The following DLGAP5 variants were observed in gnomAD, a reference collection of about 807,000 sequenced individuals.
DLGAP5 encodes the protein DLG associated protein 5.
In DLGAP5, 90 loss-of-function variants were observed where a neutral mutation model predicts 99.6. The observed-to-expected ratio is 0.90, with a 90% CI of 0.76 to 1.08. The LOEUF (loss-of-function observed/expected upper bound fraction) is 1.08. Among genes scored for constraint, DLGAP5 ranks in the 50% least tolerant of loss-of-function variants. The probability of loss-of-function intolerance (pLI) is 0.00; values close to 1 mark genes in which losing one functional copy is unlikely to be tolerated. For missense variants in DLGAP5, 1,036 were observed against 983.5 expected, an observed-to-expected ratio of 1.05 and a Z score of -0.71; for synonymous variants, 311 against 321.3, an observed-to-expected ratio of 0.97 and a Z score of 0.34.
intron 12 of DLGAP5, among the ~76,000 whole-genome samples, chr14:55,166,947 TGAG>T (rs1882665081): frequency 1.3e-5 from 2 of 148,734 alleles, no homozygotes; most frequent in Non-Finnish European, 1.5e-5. Context: ...AGCTGGGAAA[TGAG>T]CATCAGTCAA....
chr14:55,150,244 ATAT>A (rs1881970378), intron 18 of DLGAP5: 1 of 152,290 alleles, frequency 6.6e-6, no homozygotes, highest in South Asian at 2.1e-4. Flanking sequence ...GAATGCGTTC[ATAT>A]TATACCCTGA....
chr14:55,158,708 T>C lies in DLGAP5; in HGVS notation c.1687A>G (p.Lys563Glu). Reference sequence around the variant, plus strand: ...GCAATTCTTCCAGCATCATCCTGTTTTGGTTTACTTGCTATACCTGAGACA... The same window carrying C: ...GCAATTCTTCCAGCATCATCCTGTTCTGGTTTACTTGCTATACCTGAGACA... ...KVVSGIASKP[K>E]QDDAGRIAAR... The change falls in exon 14 of 19, where the codon AAA becomes GAA. Residue 563 changes from lysine to glutamate, a missense_variant. Physicochemically the swap from Lys to Glu is moderately conservative, Grantham distance 56. Coordinates refer to ENST00000247191, the MANE Select transcript of DLGAP5 (RefSeq NM_014750.5). 1 of 1,614,118 alleles carries C rather than the reference T, an allele frequency of 6.2e-7. No individual in the cohort carries two copies.
chr14:55,173,412 T>A (rs1031990428), intron 10 of DLGAP5, among the ~76,000 whole-genome samples: 1 of 151,358 alleles, frequency 6.6e-6, no homozygotes. Flanking sequence ...GGCAACAGAG[T>A]GCAACCATTT....
intron 12 of DLGAP5, among the ~76,000 whole-genome samples, chr14:55,168,903 G>A (rs530743614): frequency 6.6e-6 from 1 of 152,186 alleles, no homozygotes; most frequent in South Asian, 2.1e-4. Flanking sequence ...CTGGCCGGGC[G>A]CGGTGGCTCA....
rs748593016 is a variant in DLGAP5 at position 55,183,660 on chromosome 14, T to C, written c.332A>G (p.Glu111Gly). ...KQLQKLKEQR[E>G]KAKRGIFKVG... ...TTTAAATATTCCTCGTTTAGCTTTC[T>C]CTCTCTGCTCTTTCAATTTTTGAAG... is the stretch of plus-strand genomic sequence containing the variant. The change falls in exon 3 of 19, where the codon GAG becomes GGG. Residue 111 changes from glutamate to glycine, a missense_variant. Physicochemically the swap from Glu to Gly is moderately conservative, Grantham distance 98. Coordinates refer to ENST00000247191, the MANE Select transcript of DLGAP5 (RefSeq NM_014750.5). 2.5e-6 allele frequency: 4 copies of C among 1,612,370 alleles called. No homozygotes were observed. In the Admixed American group the frequency reaches 5.0e-5, roughly 20 times the overall value.
intron 4 of DLGAP5, among the ~76,000 whole-genome samples, chr14:55,181,862 G>A (rs912866496): frequency 6.6e-6 from 1 of 152,018 alleles, no homozygotes; most frequent in Non-Finnish European, 1.5e-5. Context: ...GTTCCACAAA[G>A]AGAATTTAGT....
chr14:55,165,959 G>A (rs759366120), intron 12 of DLGAP5, among the ~76,000 whole-genome samples: 2 of 152,216 alleles, frequency 1.3e-5, no homozygotes, highest in Non-Finnish European at 2.9e-5. Context: ...TGGTGGGACT[G>A]TAAAATGGTA....
Position 55,183,548 on chromosome 14 carries a change from C to G in DLGAP5, c.432+12G>C. 6 of 1,534,838 alleles carry G rather than the reference C, an allele frequency of 3.9e-6. No homozygotes were observed. Among genetic ancestry groups the G allele is most frequent in the Non-Finnish European group, 5.2e-6 (6 of 1,147,558 alleles). On this transcript the variant is annotated intron_variant, in intron 3 of 18. Transcript: ENST00000247191. ...AAGAAACTATTCCTTTATATTAAGA[C>G]ACTAAATTTACCTTTTTTGGCTCAG...
chr14:55,184,356 A>G (rs78040821), intron 2 of DLGAP5, among the ~76,000 whole-genome samples: 8,796 of 152,256 alleles, frequency 0.058, 323 homozygotes, highest in South Asian at 0.09. Context: ...AGTTATTTCA[A>G]CCCCTAGTCT....
rs1338162713 is a variant in DLGAP5, at chr14:55,180,710, G to T, written c.649C>A (p.Pro217Thr). Residue 217 changes from proline (P) to threonine (T), a missense_variant, in exon 6 of 19, where the codon CCC becomes ACC. Coordinates refer to ENST00000247191, the MANE Select transcript of DLGAP5 (RefSeq NM_014750.5). ...RSATQAAKQV[P>T]RTVSSTTARK... ...GCTGTGGTAGATGAGACTGTTCTGG[G>T]AACCTGCTTTGCTGCTTGAGTAGCT... The T allele has an allele frequency of 5.6e-6, 9 of 1,614,038 alleles. No individual in the cohort carries two copies. In the Admixed American group the frequency reaches 1.5e-4, roughly 27 times the overall value.
chr14:55,176,749 C>T (rs960770365), intron 8 of DLGAP5, among the ~76,000 whole-genome samples: 7 of 151,758 alleles, frequency 4.6e-5, no homozygotes, highest in Non-Finnish European at 7.4e-5. Flanking sequence ...GAGGCCGAGG[C>T]GGGCGGATCA....
In DLGAP5 at chr14:55,180,795, T is replaced by TA. The variant is rs1566507151; in HGVS notation, c.581-18dup. 1 of 1,613,470 alleles carries TA rather than the reference T, an allele frequency of 6.2e-7. No homozygotes were observed. Among genetic ancestry groups the TA allele is most frequent in the Non-Finnish European group, 8.5e-7 (1 of 1,179,672 alleles). ...GCTGCACAACTGTGGGAAAAAAAAATAACTACATCAAATGTCCCTTGTAGT... is the reference window on the plus strand; with the variant it reads ...GCTGCACAACTGTGGGAAAAAAAAATAAACTACATCAAATGTCCCTTGTAGT... On this transcript the variant is annotated splice_polypyrimidine_tract_variant and intron_variant, in intron 5 of 18. Coordinates refer to ENST00000247191, the MANE Select transcript of DLGAP5 (RefSeq NM_014750.5).
chr14:55,150,663 T>C (rs911588781), intron 18 of DLGAP5, 136 bp downstream of exon 18: 2 of 621,520 alleles, frequency 3.2e-6, no homozygotes, highest in African/African-American at 4.0e-5. Flanking sequence ...TTCTTCATTC[T>C]GTGAAAAATG....
intron 10 of DLGAP5, among the ~76,000 whole-genome samples, chr14:55,175,075 G>A (rs71412669): frequency 3.9e-3 from 593 of 152,316 alleles, no homozygotes; most frequent in Non-Finnish European, 6.3e-3. Context: ...GTATTCACAA[G>A]AAATGAGTAA....
intron 12 of DLGAP5, among the ~76,000 whole-genome samples, chr14:55,166,423 C>G (rs188718282): frequency 6.6e-6 from 1 of 152,106 alleles, no homozygotes; most frequent in Non-Finnish European, 1.5e-5. Context: ...CAGGAGGCAT[C>G]TTTTTATACT....
intron 12 of DLGAP5, among the ~76,000 whole-genome samples, chr14:55,163,570 G>A (rs931503819): frequency 4.6e-5 from 7 of 152,188 alleles, no homozygotes; most frequent in African/African-American, 1.7e-4. Flanking sequence ...TATGGTAGGA[G>A]TATGTTTAGT....
chr14:55,153,413 C>T (rs966068813), intron 15 of DLGAP5, among the ~76,000 whole-genome samples: 3 of 151,630 alleles, frequency 2.0e-5, no homozygotes, highest in Non-Finnish European at 4.4e-5. Context: ...TGGTGACATG[C>T]GCCTGTAGTC....
At chr14:55,180,846 G>C in intron 5 of DLGAP5, 68 bp from the exon 6 acceptor site, 1 of 1,537,044 alleles carries the variant, frequency 6.5e-7, no homozygotes, top group Non-Finnish European at 8.7e-7. Context: ...GTGAAGCCAG[G>C]CATGGTAGTG....
At chr14:55,170,373 A>C (rs781221770) in intron 11 of DLGAP5, among the ~76,000 whole-genome samples, 1 of 150,222 alleles carries the variant, frequency 6.7e-6, no homozygotes. Flanking sequence ...ATCACCCATA[A>C]AGTCATATTT....
Sources: allele counts gnomAD v4.1 joint callset (sites outside exome capture counted in the v4.1 genomes callset), GRCh38; gene constraint gnomAD v4.1.1; transcripts MANE v1.5; gene names NCBI Gene and HGNC (gene_info 2026-07-23, HGNC 2026-07-21).